The following ENTREP1 variants were observed in gnomAD, a reference collection of about 807,000 sequenced individuals.
ENTREP1 encodes Friedreich ataxia region gene X123.
chr9:69,347,254 A>T, the ENTREP1 span, among the ~76,000 whole-genome samples: 3 of 152,206 alleles, frequency 2.0e-5, no homozygotes, highest in African/African-American at 4.8e-5. Context: ...AGGCTAAGGG[A>T]GCTGGAAGCT....
the ENTREP1 span, chr9:69,325,075 G>C: frequency 1.0e-6 from 1 of 985,368 alleles, no homozygotes; most frequent in Non-Finnish European, 1.2e-6. Flanking sequence ...GTGAGGGTGC[G>C]CCCAGGGCCA....
the ENTREP1 span, among the ~76,000 whole-genome samples, chr9:69,328,146 C>T: frequency 6.6e-6 from 1 of 152,200 alleles, no homozygotes; most frequent in Non-Finnish European, 1.5e-5. Flanking sequence ...CACCCCCTTC[C>T]TGGGCTCTGC....
At chr9:69,376,999 G>A in the ENTREP1 span, among the ~76,000 whole-genome samples, 2 of 152,166 alleles carry the variant, frequency 1.3e-5, no homozygotes, top group Non-Finnish European at 2.9e-5. Context: ...GGAGGAGGCT[G>A]GGAATTGCTA....
the ENTREP1 span, among the ~76,000 whole-genome samples, chr9:69,339,232 G>C: frequency 3.3e-5 from 5 of 151,966 alleles, no homozygotes; most frequent in Admixed American, 2.0e-4. Flanking sequence ...CATTACCCAG[G>C]CTTGTCTCGA....
the ENTREP1 span, among the ~76,000 whole-genome samples, chr9:69,364,651 A>G: frequency 6.6e-6 from 1 of 152,116 alleles, no homozygotes; most frequent in Admixed American, 6.6e-5. Context: ...TATGACTCCA[A>G]TATTTTGTAT....
the ENTREP1 span, chr9:69,388,586 G>A: frequency 7.5e-6 from 5 of 669,228 alleles, no homozygotes; most frequent in African/African-American, 1.8e-5. Flanking sequence ...TGAGAGTTCT[G>A]GGGAGGGAGA....
the ENTREP1 span, among the ~76,000 whole-genome samples, chr9:69,358,100 G>T: frequency 1.3e-5 from 2 of 152,144 alleles, no homozygotes. Flanking sequence ...AATTGTTCTT[G>T]TTTCAGTGGG....
the ENTREP1 span, among the ~76,000 whole-genome samples, chr9:69,335,953 C>T: frequency 9.9e-6 from 1 of 100,850 alleles, no homozygotes; most frequent in Admixed American, 1.0e-4. Context: ...TATTGCACTG[C>T]AGCCTGGGTG....
At chr9:69,370,531 A>T in the ENTREP1 span, among the ~76,000 whole-genome samples, 1 of 152,152 alleles carries the variant, frequency 6.6e-6, no homozygotes, top group African/African-American at 2.4e-5. Flanking sequence ...GCTGCATCCA[A>T]ATTAACAATA....
chr9:69,333,318 AT>A, the ENTREP1 span, among the ~76,000 whole-genome samples: 4 of 148,472 alleles, frequency 2.7e-5, no homozygotes, highest in Non-Finnish European at 3.0e-5. Flanking sequence ...TAATATTATT[AT>A]TTTTTTTTTG....
At chr9:69,325,680 C>G in the ENTREP1 span, 1 of 1,231,362 alleles carries the variant, frequency 8.1e-7, no homozygotes, top group Non-Finnish European at 1.0e-6. Flanking sequence ...CTGAGCAGCT[C>G]CCCGCAGGTG....
chr9:69,340,601 GTGTGTGTGTGCA>G, the ENTREP1 span, among the ~76,000 whole-genome samples: 9 of 87,658 alleles, frequency 1.0e-4, no homozygotes, highest in East Asian at 4.2e-4. Context: ...GTGCATGCAT[GTGTGTGTGTGCA>G]TGTGTGTGTG....
the ENTREP1 span, among the ~76,000 whole-genome samples, chr9:69,357,735 A>G: frequency 6.6e-6 from 1 of 152,110 alleles, no homozygotes; most frequent in African/African-American, 2.4e-5. Flanking sequence ...GTTGTGATTT[A>G]TGATGTTTTG....
At chr9:69,330,594 CAT>C in the ENTREP1 span, among the ~76,000 whole-genome samples, 5 of 152,172 alleles carry the variant, frequency 3.3e-5, no homozygotes, top group East Asian at 1.9e-4. Context: ...GAAAAACTAA[CAT>C]AAAGATTATG....
chr9:69,376,018 A>C, the ENTREP1 span, among the ~76,000 whole-genome samples: 6 of 152,366 alleles, frequency 3.9e-5, no homozygotes, highest in East Asian at 1.2e-3. Flanking sequence ...AATTGAATGC[A>C]GAAAGAACCA....
At chr9:69,378,004 T>TTC in the ENTREP1 span, among the ~76,000 whole-genome samples, 1 of 135,356 alleles carries the variant, frequency 7.4e-6, no homozygotes, top group African/African-American at 2.5e-5. Context: ...GGGGTTTCTA[T>TTC]TCTCTCTGTC....
chr9:69,377,102 T>C, the ENTREP1 span, among the ~76,000 whole-genome samples: 2 of 152,202 alleles, frequency 1.3e-5, no homozygotes, highest in African/African-American at 4.8e-5. Flanking sequence ...AAAGAAATAC[T>C]ATCATACCAC....
chr9:69,392,438 A>G, the ENTREP1 span: 1 of 152,974 alleles, frequency 6.5e-6, no homozygotes, highest in African/African-American at 2.4e-5. Context: ...CTGAGAATAA[A>G]CATGTTTACT....
the ENTREP1 span, among the ~76,000 whole-genome samples, chr9:69,350,159 G>T: frequency 2.6e-5 from 4 of 152,068 alleles, no homozygotes; most frequent in Non-Finnish European, 5.9e-5. Flanking sequence ...CTAACCCAAG[G>T]TCATGAACGC....
Sources: gnomAD v4.1 joint callset for allele counts (sites outside exome capture counted in the v4.1 genomes callset) on GRCh38, gnomAD v4.1.1 for gene constraint, MANE v1.5 for transcripts, NCBI Gene and HGNC (gene_info 2026-07-23, HGNC 2026-07-21) for gene names.